The following FMN1 variants were observed in gnomAD, a reference collection of about 807,000 sequenced individuals.
FMN1 encodes formin 1.
A neutral mutation model predicts 132.4 loss-of-function variants in FMN1; 110 were observed. The observed-to-expected ratio is 0.83, with a 90% CI of 0.71 to 0.97. The LOEUF is 0.97. Ranked by LOEUF, FMN1 falls within the 50% of genes least tolerant of loss-of-function variation. The probability of loss-of-function intolerance (pLI) is 0.00; values close to 1 mark genes in which losing one functional copy is unlikely to be tolerated. For missense variants in FMN1, 1,792 were observed against 1,705.3 expected, an observed-to-expected ratio of 1.05 and a Z score of -0.90; for synonymous variants, 722 against 651.7, an observed-to-expected ratio of 1.11 and a Z score of -1.64.
chr15:32,862,623 C>T (rs1463960886), intron 16 of FMN1, among the ~76,000 whole-genome samples: 1 of 152,174 alleles, frequency 6.6e-6, no homozygotes, highest in Admixed American at 6.5e-5. Context: ...GGGAATAAAG[C>T]TTATTAAGCC....
At chr15:32,909,427 C>T (rs138562301) in intron 11 of FMN1, among the ~76,000 whole-genome samples, 1 of 152,250 alleles carries the variant, frequency 6.6e-6, no homozygotes, top group East Asian at 1.9e-4. Flanking sequence ...CTAGTGGAAA[C>T]GTGAGAAGTT....
intron 6 of FMN1, among the ~76,000 whole-genome samples, chr15:33,042,400 T>C (rs538764591): frequency 6.6e-6 from 1 of 152,242 alleles, no homozygotes; most frequent in South Asian, 2.1e-4. Context: ...TTAAAGCTCA[T>C]ATACAAGAGT....
At chr15:33,123,846 T>G (rs1285771025) in intron 4 of FMN1, among the ~76,000 whole-genome samples, 4 of 152,214 alleles carry the variant, frequency 2.6e-5, no homozygotes, top group Admixed American at 2.6e-4. Flanking sequence ...AATTTGTTCA[T>G]ATAACCAAAA....
chr15:33,084,381 G>T (rs898351662), intron 5 of FMN1, among the ~76,000 whole-genome samples: 10 of 152,156 alleles, frequency 6.6e-5, no homozygotes, highest in African/African-American at 2.4e-4. Flanking sequence ...GAACCTATTT[G>T]TATCCAAGTT....
intron 7 of FMN1, among the ~76,000 whole-genome samples, 155 bp from the exon 8 acceptor site, chr15:32,969,632 G>A (rs1041893972): frequency 1.3e-5 from 2 of 152,154 alleles, no homozygotes; most frequent in Non-Finnish European, 2.9e-5. Flanking sequence ...CCATAAAGGT[G>A]TAAATTGCAC....
At chr15:32,849,981 G>A (rs1202220586) in intron 17 of FMN1, among the ~76,000 whole-genome samples, 1 of 152,146 alleles carries the variant, frequency 6.6e-6, no homozygotes, top group Non-Finnish European at 1.5e-5. Context: ...ATCTTCCAAG[G>A]ATTACTGTTC....
intron 9 of FMN1, among the ~76,000 whole-genome samples, chr15:32,931,001 T>C (rs113520105): frequency 5.0e-4 from 76 of 152,284 alleles, no homozygotes; most frequent in African/African-American, 1.8e-3. Flanking sequence ...CATTTGCCTG[T>C]ATATGCTTGG....
chr15:32,854,002 A>G (rs868111356), intron 17 of FMN1, among the ~76,000 whole-genome samples: 3 of 152,226 alleles, frequency 2.0e-5, no homozygotes, highest in African/African-American at 4.8e-5. Flanking sequence ...CACTAATACA[A>G]TTTAGATTTT....
chr15:32,982,162 A>G (rs916606288), intron 7 of FMN1, among the ~76,000 whole-genome samples: 1 of 152,254 alleles, frequency 6.6e-6, no homozygotes, highest in Admixed American at 6.5e-5. Context: ...AGTCATCTCA[A>G]CAGGAAGACA....
At chr15:33,013,115 T>G in intron 6 of FMN1, 1 of 409,580 alleles carries the variant, frequency 2.4e-6, no homozygotes, top group Non-Finnish European at 4.8e-6. Context: ...GCCAGAGAAG[T>G]GACAGGGAAG....
intron 16 of FMN1, among the ~76,000 whole-genome samples, chr15:32,871,143 C>T (rs796849828): frequency 6.6e-6 from 1 of 152,210 alleles, no homozygotes; most frequent in African/African-American, 2.4e-5. Flanking sequence ...GGGAGGAGAG[C>T]AGCGACTAAC....
intron 6 of FMN1, among the ~76,000 whole-genome samples, chr15:33,058,565 A>G (rs537110046): frequency 1.4e-4 from 22 of 152,202 alleles, no homozygotes; most frequent in Non-Finnish European, 2.4e-4. Context: ...TTTGCTTGAA[A>G]TTGCTTATGC....
At chr15:32,992,978 T>C (rs1391923981) in intron 7 of FMN1, among the ~76,000 whole-genome samples, 3 of 152,214 alleles carry the variant, frequency 2.0e-5, no homozygotes, top group Non-Finnish European at 2.9e-5. Context: ...CTCGCCAAGA[T>C]TGTTCTGTAA....
At chr15:32,952,781 T>A (rs796322881) in intron 9 of FMN1, among the ~76,000 whole-genome samples, 41 of 152,280 alleles carry the variant, frequency 2.7e-4, no homozygotes, top group African/African-American at 9.9e-4. Flanking sequence ...TGAAAGTTAA[T>A]TAATGAAAAT....
rs750660961 is a variant in FMN1 at position 32,819,632 on chromosome 15, A to G, written c.3929-15300T>C. Among the ~76,000 whole-genome samples, 128 of 152,176 alleles carry G rather than the reference A, an allele frequency of 8.4e-4. 1 individual carries two copies. Among genetic ancestry groups the G allele is most frequent in the Non-Finnish European group, 1.1e-3 (76 of 68,030 alleles). ...TTCTTTGCTAGCTTTGTTCCTTCCC[A>G]CAAAAAAATTTAAAGACGTTTCCTA... On this transcript the variant is annotated intron_variant, in intron 17 of 20. Transcript: ENST00000616417.
At chr15:32,926,695 G>C (rs886903356) in intron 9 of FMN1, among the ~76,000 whole-genome samples, 1 of 152,210 alleles carries the variant, frequency 6.6e-6, no homozygotes, top group Non-Finnish European at 1.5e-5. Flanking sequence ...GAAAAAGCAT[G>C]AACAGCTGAG....
intron 6 of FMN1, among the ~76,000 whole-genome samples, chr15:33,038,992 C>A (rs1468042435): frequency 6.6e-6 from 1 of 152,174 alleles, no homozygotes; most frequent in Non-Finnish European, 1.5e-5. Flanking sequence ...CACAGACTCC[C>A]TCCAGATATC....
Position 33,151,521 on chromosome 15 carries a change from C to A in FMN1, c.1867+1527G>T. 5.4e-6 allele frequency: 4 copies of A among 744,766 alleles called. No individual in the cohort carries two copies. The South Asian group carries it at 6.6e-5, about 12-fold the overall frequency. The allele number at this position is 744,766 out of a possible 1,614,324, so 46.1% of individuals were successfully genotyped here. On this transcript the variant is annotated intron_variant, in intron 4 of 20. Coordinates refer to ENST00000616417, the MANE Select transcript of FMN1 (RefSeq NM_001277313.2). ...ATGTGCTCTGTGTGCCTGCCTTGAT[C>A]CAGATACACTGGAGCTTTTATGATA... is the stretch of plus-strand genomic sequence containing the variant.
chr15:33,175,854 T>C (rs1965496442), intron 3 of FMN1, among the ~76,000 whole-genome samples: 1 of 152,214 alleles, frequency 6.6e-6, no homozygotes, highest in Non-Finnish European at 1.5e-5. Flanking sequence ...TTTTTTATTA[T>C]TGTCAAAGTT....
Sources: allele counts gnomAD v4.1 joint callset (sites outside exome capture counted in the v4.1 genomes callset), GRCh38; gene constraint gnomAD v4.1.1; transcripts MANE v1.5; gene names NCBI Gene and HGNC (gene_info 2026-07-23, HGNC 2026-07-21).